Variants in ASCC3 observed in about 807,000 individuals in gnomAD.
ASCC3 encodes activating signal cointegrator 1 complex subunit 3.
A neutral mutation model predicts 256.3 loss-of-function variants in ASCC3; 158 were observed. That is an observed-to-expected ratio of 0.62 (90% CI 0.54 to 0.70). The LOEUF is 0.70. Among genes scored for constraint, ASCC3 ranks in the 30% least tolerant of loss-of-function variants. The pLI is 0.00. For synonymous variants in ASCC3, 948 were observed against 883.4 expected (o/e 1.07, Z -1.30); for missense variants, 2,259 against 2,626.0 (o/e 0.86, Z 3.05).
Position 100,646,722 on chromosome 6 carries a change from C to T in ASCC3, c.3526G>A (p.Val1176Ile). ...VNIGLKVKQC[V>I]HQIPSVMMEA... The stretch of plus-strand genomic sequence containing the variant: ...ATCATAACAGAAGGAATCTGATGAA[C>T]ACATTGTTTGACCTTCAGTCCAATA... Residue 1176 changes from valine (V) to isoleucine (I), a missense_variant, in exon 22 of 42, where the codon GTT becomes ATT. Val to Ile is a conservative substitution (Grantham distance 29). Transcript: ENST00000369162. 1 of 1,613,842 alleles carries T rather than the reference C, an allele frequency of 6.2e-7. No individual in the cohort carries two copies. The highest frequency in any genetic ancestry group is 8.5e-7 in the Non-Finnish European group (1 of 1,179,832).
chr6:100,855,084 A>G (rs1443914356), intron 3 of ASCC3, among the ~76,000 whole-genome samples: 3 of 151,434 alleles, frequency 2.0e-5, no homozygotes, highest in Non-Finnish European at 4.4e-5. Context: ...TAATCTACTA[A>G]TAAACTAAAG....
chr6:100,781,045 T>C (rs1288136364), intron 8 of ASCC3, among the ~76,000 whole-genome samples: 1 of 152,200 alleles, frequency 6.6e-6, no homozygotes, highest in Non-Finnish European at 1.5e-5. Flanking sequence ...TTCATCTCTC[T>C]AATTCCTAGC....
intron 4 of ASCC3, among the ~76,000 whole-genome samples, chr6:100,843,737 A>T (rs1011929327): frequency 1.3e-5 from 2 of 152,126 alleles, no homozygotes; most frequent in African/African-American, 4.8e-5. Context: ...GTCAGACATT[A>T]AAAAGCCAGG....
intron 8 of ASCC3, among the ~76,000 whole-genome samples, chr6:100,789,186 T>A (rs987296564): frequency 1.3e-5 from 2 of 151,896 alleles, no homozygotes; most frequent in Non-Finnish European, 2.9e-5. Flanking sequence ...TGATTGATCA[T>A]CTTATCTTTA....
At chr6:100,546,219 A>G (rs1775711628) in intron 36 of ASCC3, among the ~76,000 whole-genome samples, 1 of 152,194 alleles carries the variant, frequency 6.6e-6, no homozygotes, top group African/African-American at 2.4e-5. Context: ...TTGAAAACAA[A>G]ACAAAGAAAA....
chr6:100,513,802 C>A (rs1773892265), intron 39 of ASCC3, among the ~76,000 whole-genome samples: 1 of 151,840 alleles, frequency 6.6e-6, no homozygotes, highest in Non-Finnish European at 1.5e-5. Flanking sequence ...ATGAGAATAC[C>A]TAGGTCTACA....
In ASCC3 at chr6:100,509,257, T is replaced by C. The variant is rs1773637787; in HGVS notation, c.*129A>G. 1.5e-6 allele frequency: 2 copies of C among 1,292,348 alleles called. No individual in the cohort carries two copies. Among genetic ancestry groups the C allele is most frequent in the South Asian group, 1.2e-5 (1 of 82,682 alleles). The allele number at this position is 1,292,348 out of a possible 1,614,324, so 80.1% of individuals were successfully genotyped here. On this transcript the variant is annotated 3_prime_UTR_variant, in exon 42 of 42. Coordinates refer to ENST00000369162, the MANE Select transcript of ASCC3 (RefSeq NM_006828.4). Reference sequence around the variant, plus strand: ...ACTGGAGTCAATACTGCAGCCACTGTCAATTTCCTGGATGGTTGAGGTTAG... The same window carrying C: ...ACTGGAGTCAATACTGCAGCCACTGCCAATTTCCTGGATGGTTGAGGTTAG...
chr6:100,748,714 T>G (rs1056070533), intron 10 of ASCC3, among the ~76,000 whole-genome samples: 1 of 152,044 alleles, frequency 6.6e-6, no homozygotes, highest in Non-Finnish European at 1.5e-5. Flanking sequence ...TAATGAGAAC[T>G]GAAGTATTAT....
At chr6:100,546,015 A>AT in intron 36 of ASCC3, among the ~76,000 whole-genome samples, 2 of 152,184 alleles carry the variant, frequency 1.3e-5, no homozygotes, top group Non-Finnish European at 2.9e-5. Context: ...ATGACCATCA[A>AT]TGTAGAAAGT....
chr6:100,774,197 G>A (rs1204533875), intron 8 of ASCC3, among the ~76,000 whole-genome samples: 1 of 152,100 alleles, frequency 6.6e-6, no homozygotes, highest in East Asian at 1.9e-4. Context: ...TTGCTCTGTT[G>A]CCCAGGCTGA....
chr6:100,631,734 A>C (rs240145), intron 25 of ASCC3, among the ~76,000 whole-genome samples: 85,344 of 151,542 alleles, frequency 0.56, 24,241 homozygotes, highest in East Asian at 0.73. Flanking sequence ...TAGTAGTATA[A>C]TTCAGGTTTC....
rs960304276 is a variant in ASCC3 at position 100,624,981 on chromosome 6, G to A, written c.4785+211C>T. ...TGTTACAATATACACAGGTGATAAC[G>A]TTAAAGGAAAAAATTATAAATATGA... On this transcript the variant is annotated intron_variant, in intron 30 of 41. Transcript: ENST00000369162. Among the ~76,000 whole-genome samples, 12 of 151,884 alleles carry A rather than the reference G, an allele frequency of 7.9e-5. No homozygotes were observed. The South Asian group carries it at 1.7e-3, about 21-fold the overall frequency.
At chr6:100,822,713 C>T (rs1374519798) in intron 4 of ASCC3, among the ~76,000 whole-genome samples, 1 of 152,106 alleles carries the variant, frequency 6.6e-6, no homozygotes, top group African/African-American at 2.4e-5. Context: ...CTTTCTCCCA[C>T]CTGACTTGAA....
At chr6:100,694,540 T>C (rs1562231665) in intron 13 of ASCC3, among the ~76,000 whole-genome samples, 1 of 152,120 alleles carries the variant, frequency 6.6e-6, no homozygotes, top group African/African-American at 2.4e-5. Flanking sequence ...TATAAAACCA[T>C]TCCCTACTAA....
intron 23 of ASCC3, among the ~76,000 whole-genome samples, chr6:100,643,629 T>C (rs1775237084): frequency 6.6e-6 from 1 of 152,166 alleles, no homozygotes. Flanking sequence ...TTATACAGCA[T>C]GTTACCATAC....
At chr6:100,635,311 C>T (rs1774789998) in intron 25 of ASCC3, among the ~76,000 whole-genome samples, 1 of 151,986 alleles carries the variant, frequency 6.6e-6, no homozygotes, top group African/African-American at 2.4e-5. Flanking sequence ...ACCCAAGGGA[C>T]ATTATGTTAA....
rs1562251355 is a variant in ASCC3, at chr6:100,723,887, TATATATA to T, written c.1902+1645_1902+1651del. On this transcript the variant is annotated intron_variant, in intron 11 of 41. Transcript: ENST00000369162. The stretch of plus-strand genomic sequence containing the variant: ...ATATATATATATATATATATATATA[TATATATA>T]TATTTATAATTATATATATGACACA... Among the ~76,000 whole-genome samples the T allele has an allele frequency of 9.4e-5, 13 of 138,862 alleles. 1 individual carries two copies. Among genetic ancestry groups the T allele is most frequent in the Non-Finnish European group, 1.5e-4 (10 of 64,588 alleles). The allele number at this position is 138,862 out of a possible 152,430, so 91.1% of individuals were successfully genotyped here.
At chr6:100,679,160 G>C (rs182893572) in intron 14 of ASCC3, among the ~76,000 whole-genome samples, 197 of 150,200 alleles carry the variant, frequency 1.3e-3, no homozygotes, top group African/African-American at 4.6e-3. Context: ...TGTGTACACT[G>C]AGTAACAAGC....
chr6:100,739,060 T>G (rs1383805442), intron 10 of ASCC3, among the ~76,000 whole-genome samples: 1 of 152,240 alleles, frequency 6.6e-6, no homozygotes, highest in East Asian at 1.9e-4. Flanking sequence ...CAATTCAGTA[T>G]GATATTGGCC....
Sources: gnomAD v4.1 joint callset for allele counts (sites outside exome capture counted in the v4.1 genomes callset) on GRCh38, gnomAD v4.1.1 for gene constraint, MANE v1.5 for transcripts, NCBI Gene and HGNC (gene_info 2026-07-23, HGNC 2026-07-21) for gene names.